PHEX: variants seen among roughly 807,000 people sequenced by gnomAD.
PHEX encodes the protein phosphate-regulating neutral endopeptidase PHEX.
In PHEX, 16 loss-of-function variants were observed where a neutral mutation model predicts 68.0. The observed-to-expected ratio is 0.24, with a 90% CI of 0.16 to 0.36. PHEX has a LOEUF of 0.36. Ranked by LOEUF, PHEX falls within the 10% of genes least tolerant of loss-of-function variation. PHEX has a pLI of 1.00. For synonymous variants in PHEX, 208 were observed against 205.1 expected, an observed-to-expected ratio of 1.01 and a Z score of -0.12; for missense variants, 480 against 575.5, an observed-to-expected ratio of 0.83 and a Z score of 1.70.
intron 12 of PHEX, among the ~76,000 whole-genome samples, chrX:22,135,736 C>G (rs1932199711): frequency 8.9e-6 from 1 of 111,769 alleles, no homozygotes; most frequent in Non-Finnish European, 1.9e-5. Flanking sequence ...TCCTGTTTGC[C>G]TCCCGAGTTG....
chrX:22,178,266 T>C lies in PHEX; in HGVS notation c.1483-7T>C, dbSNP rs369175587. Reference sequence around the variant, plus strand: ...AGAACAATGATGTTGTGGTTTGTTTTATTCAGATCAAGTTTTCAGAAGCCG... The same window carrying C: ...AGAACAATGATGTTGTGGTTTGTTTCATTCAGATCAAGTTTTCAGAAGCCG... On this transcript the variant is annotated splice_polypyrimidine_tract_variant and splice_region_variant and intron_variant, in intron 13 of 21. Coordinates refer to ENST00000379374, the MANE Select transcript of PHEX (RefSeq NM_000444.6). 3.8e-4 allele frequency: 433 copies of C among 1,139,447 alleles called. No homozygotes were observed. The highest frequency in any genetic ancestry group is 5.0e-4 in the Non-Finnish European group (413 of 833,229). The allele number at this position is 1,139,447 out of a possible 1,213,427, so 93.9% of individuals were successfully genotyped here.
chrX:22,063,003 C>T (rs967429560), intron 3 of PHEX, among the ~76,000 whole-genome samples: 3 of 111,423 alleles, frequency 2.7e-5, no homozygotes, highest in Non-Finnish European at 3.8e-5. Flanking sequence ...TCAAGTGATC[C>T]GCCTACCTTG....
intron 16 of PHEX, among the ~76,000 whole-genome samples, chrX:22,218,146 C>T (rs1409371792): frequency 1.8e-5 from 2 of 110,607 alleles, no homozygotes; most frequent in African/African-American, 6.6e-5. Context: ...TCTGGGGTTT[C>T]TCGCTTCTTC....
intron 11 of PHEX, among the ~76,000 whole-genome samples, chrX:22,120,442 A>G (rs1254144767): frequency 1.8e-5 from 2 of 111,808 alleles, no homozygotes; most frequent in African/African-American, 6.5e-5. Flanking sequence ...TCTAATATTA[A>G]GATCCTAAAA....
At chrX:22,114,170 G>A (rs58689796) in intron 10 of PHEX, among the ~76,000 whole-genome samples, 4 of 109,237 alleles carry the variant, frequency 3.7e-5, no homozygotes, top group Non-Finnish European at 7.6e-5. Context: ...GGCTGGTCTC[G>A]AGCTCCTGAC....
At chrX:22,167,226 T>G (rs1258475235) in intron 12 of PHEX, among the ~76,000 whole-genome samples, 1 of 111,331 alleles carries the variant, frequency 9.0e-6, no homozygotes, top group Non-Finnish European at 1.9e-5. Context: ...CCATAGTGTT[T>G]TTCATAGTGA....
At chrX:22,129,344 C>G (rs1407605929) in intron 11 of PHEX, among the ~76,000 whole-genome samples, 2 of 111,948 alleles carry the variant, frequency 1.8e-5, no homozygotes, top group Non-Finnish European at 3.8e-5. Context: ...CTATGGAAAG[C>G]AAAATCGTGA....
At chrX:22,187,213 G>T (rs1396869747) in intron 14 of PHEX, among the ~76,000 whole-genome samples, 1 of 111,833 alleles carries the variant, frequency 8.9e-6, no homozygotes, top group Admixed American at 9.5e-5. Context: ...AGCCGGCTGG[G>T]CTCTTATGGG....
At chrX:22,150,329 G>A (rs1030347164) in intron 12 of PHEX, among the ~76,000 whole-genome samples, 3 of 111,170 alleles carry the variant, frequency 2.7e-5, no homozygotes, top group South Asian at 3.8e-4. Context: ...AGCTCCCAAT[G>A]GAGGCCGATG....
At position 22,250,135 on chromosome X, in the gene PHEX, G is replaced by T. The variant is rs1936529438; in HGVS notation, c.*2182G>T. On this transcript the variant is annotated 3_prime_UTR_variant, in exon 22 of 22. Coordinates refer to ENST00000379374, the MANE Select transcript of PHEX (RefSeq NM_000444.6). ...AGCAGAACAAAACAACAAACCAAAAGCAGCAATACCAAATCATCACTACTA... is the reference window on the plus strand; with the variant it reads ...AGCAGAACAAAACAACAAACCAAAATCAGCAATACCAAATCATCACTACTA... 1 of 111,950 alleles carries T rather than the reference G, an allele frequency of 8.9e-6. No homozygotes were observed. The highest frequency in any genetic ancestry group is 9.5e-5 in the Admixed American group (1 of 10,529). 9.2% of individuals were successfully genotyped at this position (111,950 alleles called of 1,213,427 possible).
intron 2 of PHEX, among the ~76,000 whole-genome samples, chrX:22,039,157 C>T (rs1177320790): frequency 2.7e-5 from 3 of 111,882 alleles, no homozygotes; most frequent in African/African-American, 9.7e-5. Context: ...CTAGTAGAGA[C>T]GGAGTTTCAC....
At chrX:22,238,935 A>G (rs1400265128) in intron 20 of PHEX, among the ~76,000 whole-genome samples, 1 of 111,358 alleles carries the variant, frequency 9.0e-6, no homozygotes, top group East Asian at 2.8e-4. Context: ...TGGCTGGGAG[A>G]TACCTCCCAG....
intron 1 of PHEX, among the ~76,000 whole-genome samples, chrX:22,033,343 A>C (rs1163205959): frequency 8.9e-6 from 1 of 111,945 alleles, no homozygotes; most frequent in Non-Finnish European, 1.9e-5. Context: ...ATAGTCCAGA[A>C]GGCAAAGTGG....
chrX:22,246,236 G>T (rs961581347), intron 21 of PHEX, among the ~76,000 whole-genome samples: 1 of 111,650 alleles, frequency 9.0e-6, no homozygotes, highest in African/African-American at 3.3e-5. Context: ...ATTTTCTATA[G>T]TACCGGAAAG....
At chrX:22,215,796 G>A (rs1057158025) in intron 16 of PHEX, among the ~76,000 whole-genome samples, 9 of 110,609 alleles carry the variant, frequency 8.1e-5, no homozygotes, top group East Asian at 2.8e-4. Context: ...CAAACTCCCC[G>A]GTGTTTTGGG....
intron 9 of PHEX, among the ~76,000 whole-genome samples, chrX:22,104,524 T>A (rs1930585964): frequency 8.9e-6 from 1 of 111,947 alleles, no homozygotes; most frequent in African/African-American, 3.2e-5. Context: ...TTCGGTGATC[T>A]CATGTTGATA....
At chrX:22,103,247 A>G (rs1020885201) in intron 9 of PHEX, among the ~76,000 whole-genome samples, 15 of 112,070 alleles carry the variant, frequency 1.3e-4, no homozygotes, top group African/African-American at 4.9e-4. Flanking sequence ...ATTTTCCTGC[A>G]ATGTTCAGCA....
rs1165946949 is a variant in PHEX at position 22,249,482 on chromosome X, ATATATG to A, written c.*1535_*1540del. 1.1e-5 allele frequency: 1 copy of A among 87,053 alleles called. No individual in the cohort carries two copies. Among genetic ancestry groups the A allele is most frequent in the African/African-American group, 4.8e-5 (1 of 20,879 alleles). The allele number at this position is 87,053 out of a possible 1,213,427, so 7.2% of individuals were successfully genotyped here. ...TATATATATATATATATATATATAT[ATATATG>A]TATATCTACCTAAGTGTGTGCCATG... On this transcript the variant is annotated 3_prime_UTR_variant, in exon 22 of 22. Transcript: ENST00000379374.
intron 15 of PHEX, among the ~76,000 whole-genome samples, chrX:22,193,952 G>T: frequency 8.9e-6 from 1 of 112,206 alleles, no homozygotes; most frequent in Middle Eastern, 4.6e-3. Context: ...GAGTGTAAGA[G>T]ATCAGCTCTG....
Sources: allele counts gnomAD v4.1 joint callset (sites outside exome capture counted in the v4.1 genomes callset), GRCh38; gene constraint gnomAD v4.1.1; transcripts MANE v1.5; gene names NCBI Gene and HGNC (gene_info 2026-07-23, HGNC 2026-07-21).